MIA2: variants seen among roughly 807,000 people sequenced by gnomAD.
MIA2 encodes MIA SH3 domain ER export factor 2, also known as melanoma inhibitory activity protein 2.
Under a neutral mutation model 167.8 loss-of-function variants are expected in MIA2, and 127 were observed. That is an observed-to-expected ratio of 0.76 (90% CI 0.66 to 0.88). MIA2 has a LOEUF of 0.88. Among genes scored for constraint, MIA2 ranks in the 40% least tolerant of loss-of-function variants. The probability of loss-of-function intolerance (pLI) is 0.00; values close to 1 mark genes in which losing one functional copy is unlikely to be tolerated. For missense variants in MIA2, 1,690 were observed against 1,624.7 expected, an observed-to-expected ratio of 1.04 and a Z score of -0.69; for synonymous variants, 552 against 541.9, an observed-to-expected ratio of 1.02 and a Z score of -0.26.
chr14:39,367,169 C>T (rs1179697683), intron 23 of MIA2, among the ~76,000 whole-genome samples: 1 of 152,168 alleles, frequency 6.6e-6, no homozygotes, highest in Admixed American at 6.5e-5. Context: ...GGCAGCCTCC[C>T]TTGTGTGCTA....
chr14:39,267,373 G>A (rs1241188509), intron 6 of MIA2: 2 of 1,594,850 alleles, frequency 1.3e-6, no homozygotes, highest in Admixed American at 1.8e-5. Context: ...TTCGGGTTCC[G>A]GACCGAAGGC....
intron 3 of MIA2, among the ~76,000 whole-genome samples, chr14:39,243,361 T>A (rs2054145021): frequency 6.6e-6 from 1 of 152,166 alleles, no homozygotes; most frequent in Non-Finnish European, 1.5e-5. Context: ...TGGGAGTATT[T>A]ACTAGAGACA....
rs2073614879 is a variant in MIA2, at chr14:39,347,713, A to T, written c.3779A>T (p.Asp1260Val). The T allele has an allele frequency of 1.2e-6, 2 of 1,606,054 alleles. No homozygotes were observed. Among genetic ancestry groups the T allele is most frequent in the African/African-American group, 2.7e-5 (2 of 74,514 alleles). ...SFNMPSLDKMDGSMPSEMESS... is the reference protein window; with the variant it reads ...SFNMPSLDKMVGSMPSEMESS... ...TTCATGGTTTAACTTTTATGTCTAG[A>T]TGGGTCAATGCCTTCAGAAATGGAA... Residue 1260 changes from aspartate (D) to valine (V), a missense_variant and splice_region_variant, in exon 27 of 29, where the codon GAT becomes GTT. Transcript: ENST00000640607.
At chr14:39,286,710 T>TC (rs2059852096) in intron 9 of MIA2, among the ~76,000 whole-genome samples, 1 of 151,172 alleles carries the variant, frequency 6.6e-6, no homozygotes, top group African/African-American at 2.4e-5. Flanking sequence ...TTTTTTTTTT[T>TC]TGAGACAGGC....
chr14:39,386,898 G>A (rs1468583460), exon 24 of MIA2: 4 of 795,430 alleles, frequency 5.0e-6, no homozygotes, highest in South Asian at 2.8e-5. Flanking sequence ...CACGCTCTCC[G>A]CCCGGGGCAG....
intron 9 of MIA2, among the ~76,000 whole-genome samples, chr14:39,288,879 A>C (rs1467956019): frequency 6.6e-6 from 1 of 152,130 alleles, no homozygotes; most frequent in Non-Finnish European, 1.5e-5. Flanking sequence ...GGATTTTTGC[A>C]TCAGTGTTCA....
chr14:39,308,002 G>C (rs185933685), intron 17 of MIA2, among the ~76,000 whole-genome samples: 92 of 152,230 alleles, frequency 6.0e-4, no homozygotes, highest in African/African-American at 2.1e-3. Flanking sequence ...AACTAGATAG[G>C]TGGAACAATT....
chr14:39,349,420 A>G (rs928925563), intron 28 of MIA2, among the ~76,000 whole-genome samples: 3 of 152,228 alleles, frequency 2.0e-5, no homozygotes, highest in Non-Finnish European at 4.4e-5. Flanking sequence ...AAATGTATTT[A>G]TTACGTTTGA....
At chr14:39,382,620 G>A (rs543059725) in intron 23 of MIA2, among the ~76,000 whole-genome samples, 2 of 152,286 alleles carry the variant, frequency 1.3e-5, no homozygotes, top group African/African-American at 4.8e-5. Flanking sequence ...CATTTGTCTC[G>A]TGCTCAGTAA....
intron 23 of MIA2, among the ~76,000 whole-genome samples, chr14:39,377,444 GAAA>G (rs898971895): frequency 6.6e-6 from 1 of 151,918 alleles, no homozygotes; most frequent in African/African-American, 2.4e-5. Context: ...AGGAAAAATG[GAAA>G]AAAAGAAGGA....
chr14:39,303,173 T>C (rs2062806848), intron 15 of MIA2, among the ~76,000 whole-genome samples: 1 of 152,188 alleles, frequency 6.6e-6, no homozygotes, highest in South Asian at 2.1e-4. Context: ...TTGGATGCTG[T>C]AAGAATCCAA....
chr14:39,341,441 C>A (rs1461682132), intron 25 of MIA2, among the ~76,000 whole-genome samples: 4 of 151,970 alleles, frequency 2.6e-5, no homozygotes, highest in Non-Finnish European at 5.9e-5. Context: ...AAAAGTGAAA[C>A]CCTGGAATAT....
intron 9 of MIA2, among the ~76,000 whole-genome samples, chr14:39,281,179 CT>C (rs1566705786): frequency 6.6e-6 from 1 of 152,132 alleles, no homozygotes; most frequent in Non-Finnish European, 1.5e-5. Flanking sequence ...CCCGTCTTGG[CT>C]TCCCAAAGTG....
Position 39,333,125 on chromosome 14 carries a change from T to A in MIA2, c.3655+6103T>A, listed in dbSNP as rs528827311. ...TATAATAACTGCTTTAAAGTCATTG[T>A]ATGGTAATTCTAACATCAGGGTCAT... On this transcript the variant is annotated intron_variant, in intron 25 of 28. Transcript: ENST00000640607. Among the ~76,000 whole-genome samples the A allele has an allele frequency of 2.0e-5, 3 of 152,316 alleles. No homozygotes were observed. The East Asian group carries it at 5.8e-4, about 29-fold the overall frequency.
chr14:39,315,403 T>C (rs1411764644), intron 20 of MIA2: 1 of 292,162 alleles, frequency 3.4e-6, no homozygotes, highest in Non-Finnish European at 6.2e-6. Context: ...TGGGGTCTCA[T>C]ACTCAGTCAG....
intron 23 of MIA2, among the ~76,000 whole-genome samples, chr14:39,357,415 C>T (rs1407895785): frequency 6.6e-6 from 1 of 152,136 alleles, no homozygotes; most frequent in Non-Finnish European, 1.5e-5. Flanking sequence ...GTATATCTTC[C>T]TCCATCCCTT....
chr14:39,305,414 A>G (rs2063174566), intron 17 of MIA2, among the ~76,000 whole-genome samples: 1 of 152,212 alleles, frequency 6.6e-6, no homozygotes, highest in Admixed American at 6.5e-5. Flanking sequence ...ACTCCTTAAT[A>G]CAGTTTCCTG....
intron 23 of MIA2, among the ~76,000 whole-genome samples, chr14:39,372,497 C>T (rs1279060161): frequency 6.6e-6 from 1 of 152,122 alleles, no homozygotes; most frequent in Admixed American, 6.6e-5. Context: ...GACCAGGCAG[C>T]AGTTTTTGGA....
At chr14:39,244,322 A>G (rs2054193224) in intron 3 of MIA2, among the ~76,000 whole-genome samples, 1 of 152,176 alleles carries the variant, frequency 6.6e-6, no homozygotes, top group African/African-American at 2.4e-5. Context: ...GGAGAATAGG[A>G]GAAGGTCAGA....
Sources: allele counts gnomAD v4.1 joint callset (sites outside exome capture counted in the v4.1 genomes callset), GRCh38; gene constraint gnomAD v4.1.1; transcripts MANE v1.5; gene names NCBI Gene and HGNC (gene_info 2026-07-23, HGNC 2026-07-21).